The following EZH2 variants were observed in gnomAD, a reference collection of about 807,000 sequenced individuals.
The protein encoded by EZH2 is histone-lysine N-methyltransferase EZH2.
A neutral mutation model predicts 98.4 loss-of-function variants in EZH2; 18 were observed. That is an observed-to-expected ratio of 0.18 (90% CI 0.13 to 0.27). The LOEUF (loss-of-function observed/expected upper bound fraction) is 0.27. EZH2 is among the 10% of genes least tolerant of loss of function. The pLI is 1.00. For missense variants in EZH2, 470 were observed against 935.1 expected, an observed-to-expected ratio of 0.50 and a Z score of 6.49; for synonymous variants, 338 against 312.3, an observed-to-expected ratio of 1.08 and a Z score of -0.87.
At chr7:148,859,836 A>G (rs535570915) in intron 1 of EZH2, among the ~76,000 whole-genome samples, 1 of 152,350 alleles carries the variant, frequency 6.6e-6, no homozygotes, top group East Asian at 1.9e-4. Flanking sequence ...TGATCAACAC[A>G]GCTTTACAGA....
chr7:148,810,492 G>A, intron 16 of EZH2, 78 bp from the exon 17 acceptor site: 3 of 924,296 alleles, frequency 3.2e-6, no homozygotes, highest in South Asian at 1.4e-5. Context: ...AGCGCACAGA[G>A]TGAATACTGG....
chr7:148,848,135 G>C (rs1287515136), intron 1 of EZH2, among the ~76,000 whole-genome samples: 1 of 152,182 alleles, frequency 6.6e-6, no homozygotes, highest in Non-Finnish European at 1.5e-5. Flanking sequence ...ATTATTAGCA[G>C]GACATTCTCT....
At chr7:148,810,437 A>G in intron 16 of EZH2, 23 bp from the exon 17 acceptor site, 1 of 1,562,210 alleles carries the variant, frequency 6.4e-7, no homozygotes, top group Non-Finnish European at 8.8e-7. Flanking sequence ...ACACAGGAGA[A>G]AATTCTTTTG....
intron 1 of EZH2, among the ~76,000 whole-genome samples, chr7:148,857,694 T>C (rs1021821802): frequency 6.6e-6 from 1 of 151,966 alleles, no homozygotes; most frequent in Non-Finnish European, 1.5e-5. Context: ...GAGGCTGCAG[T>C]GAGCAGAGAT....
At chr7:148,853,900 A>AGCT (rs1269446687) in intron 1 of EZH2, among the ~76,000 whole-genome samples, 3 of 152,142 alleles carry the variant, frequency 2.0e-5, no homozygotes, top group Non-Finnish European at 2.9e-5. Flanking sequence ...GAAAAAGTAG[A>AGCT]GCTTCCTCCA....
At chr7:148,844,579 A>C (rs989981308) in intron 3 of EZH2, among the ~76,000 whole-genome samples, 1 of 152,138 alleles carries the variant, frequency 6.6e-6, no homozygotes, top group Non-Finnish European at 1.5e-5. Context: ...CTCTGTGAAA[A>C]TGTTTATTCT....
intron 3 of EZH2, among the ~76,000 whole-genome samples, chr7:148,835,279 C>A (rs143559279): frequency 8.4e-4 from 127 of 151,998 alleles, no homozygotes; most frequent in African/African-American, 3.0e-3. Context: ...AAAAATTAGC[C>A]CAGCAAGGTA....
intron 8 of EZH2, among the ~76,000 whole-genome samples, chr7:148,822,549 C>G (rs763841059): frequency 6.6e-6 from 1 of 151,262 alleles, no homozygotes; most frequent in Non-Finnish European, 1.5e-5. Context: ...GGGACTTTTA[C>G]CAAATAAACT....
At chr7:148,829,931 G>C in intron 4 of EZH2, 83 bp from the exon 5 acceptor site, 2 of 1,033,206 alleles carry the variant, frequency 1.9e-6, no homozygotes, top group Non-Finnish European at 2.8e-6. Context: ...TTTTTTTCAT[G>C]TGTACATGTC....
intron 11 of EZH2, 43 bp from the exon 12 acceptor site, chr7:148,816,821 T>G (rs759283351): frequency 1.4e-6 from 2 of 1,438,396 alleles, no homozygotes. Flanking sequence ...ACAGTCTTAT[T>G]TAGGCAAACC....
At chr7:148,820,962 C>T (rs879295976) in intron 8 of EZH2, 2 of 152,132 alleles carry the variant, frequency 1.3e-5, no homozygotes, top group Non-Finnish European at 2.9e-5. Flanking sequence ...TCTACCAGCA[C>T]TACTAATTTT....
At chr7:148,837,415 C>G (rs1019834628) in intron 3 of EZH2, among the ~76,000 whole-genome samples, 7 of 152,116 alleles carry the variant, frequency 4.6e-5, no homozygotes, top group African/African-American at 1.7e-4. Flanking sequence ...CAGCTGTCAC[C>G]AAGTCTAGAG....
intron 1 of EZH2, among the ~76,000 whole-genome samples, chr7:148,869,467 T>A (rs1014684896): frequency 2.1e-5 from 3 of 146,306 alleles, no homozygotes; most frequent in African/African-American, 7.6e-5. Flanking sequence ...CACCTCACTC[T>A]CCCATGCAGC....
intron 8 of EZH2, among the ~76,000 whole-genome samples, chr7:148,822,024 T>C (rs190201156): frequency 7.9e-5 from 12 of 152,308 alleles, no homozygotes; most frequent in African/African-American, 2.9e-4. Context: ...AACTTTTCAG[T>C]AAATGAAACA....
intron 8 of EZH2, among the ~76,000 whole-genome samples, chr7:148,822,082 A>G (rs977902656): frequency 8.5e-5 from 13 of 152,250 alleles, no homozygotes; most frequent in African/African-American, 3.1e-4. Context: ...TATAATCCAC[A>G]TCATATTAAA....
chr7:148,848,026 T>C (rs1814627735), intron 1 of EZH2, among the ~76,000 whole-genome samples: 1 of 152,230 alleles, frequency 6.6e-6, no homozygotes, highest in South Asian at 2.1e-4. Flanking sequence ...GTTCACCAGA[T>C]GTCTAATTCA....
At chr7:148,835,930 A>G (rs1810792184) in intron 3 of EZH2, among the ~76,000 whole-genome samples, 1 of 152,240 alleles carries the variant, frequency 6.6e-6, no homozygotes, top group Non-Finnish European at 1.5e-5. Context: ...TTTTCCCATT[A>G]ACAGAAAGAA....
Position 148,828,873 on chromosome 7 carries a change from C to A in EZH2, c.492G>T (p.Gly164=), listed in dbSNP as rs1463889008. The change falls in exon 6 of 20, where the codon GGG becomes GGT. Residue 164 remains glycine, a synonymous_variant. Transcript: ENST00000320356. ...CCACAAAAATTTCATCATTTATAAA[C>A]CCACATTCTGAAACGCATCAAATGT... ...DGKVHGDREC[G]FINDEIFVEL... The A allele has an allele frequency of 6.2e-7, 1 of 1,608,788 alleles. No homozygotes were observed. The highest frequency in any genetic ancestry group is 1.3e-5 in the African/African-American group (1 of 74,816).
At chr7:148,852,863 G>A (rs1261279843) in intron 1 of EZH2, among the ~76,000 whole-genome samples, 2 of 152,098 alleles carry the variant, frequency 1.3e-5, no homozygotes, top group African/African-American at 4.8e-5. Context: ...CATATATACA[G>A]TTGTTCCTCC....
Sources: gnomAD v4.1 joint callset for allele counts (sites outside exome capture counted in the v4.1 genomes callset) on GRCh38, gnomAD v4.1.1 for gene constraint, MANE v1.5 for transcripts, NCBI Gene and HGNC (gene_info 2026-07-23, HGNC 2026-07-21) for gene names.